FRYL: variants seen among roughly 807,000 people sequenced by gnomAD.
FRYL encodes FRY like transcription coactivator, also known as protein furry homolog-like.
Under a neutral mutation model 351.2 loss-of-function variants are expected in FRYL, and 150 were observed. The ratio of observed to expected loss-of-function variants is 0.43; its 90% CI spans 0.37 to 0.49. FRYL has a LOEUF of 0.49. Ranked by LOEUF, FRYL falls within the 20% of genes least tolerant of loss-of-function variation. FRYL has a pLI of 0.00. For synonymous variants in FRYL, 1,153 were observed against 1,257.1 expected (o/e 0.92, Z 1.75); for missense variants, 3,036 against 3,619.3 (o/e 0.84, Z 4.13).
chr4:48,681,945 A>G (rs1234880056), intron 3 of FRYL, among the ~76,000 whole-genome samples: 6 of 152,316 alleles, frequency 3.9e-5, no homozygotes, highest in South Asian at 4.1e-4. Context: ...CAGAAGTATA[A>G]CAAGAGAGTA....
chr4:48,505,794 T>C lies in FRYL; in HGVS notation c.8395-179A>G, dbSNP rs1284042350. The C allele has an allele frequency of 2.1e-5, 11 of 523,434 alleles. No individual in the cohort carries two copies. The East Asian group carries it at 3.3e-4, about 16-fold the overall frequency. The allele number at this position is 523,434 out of a possible 1,614,324, so 32.4% of individuals were successfully genotyped here. A position where few individuals can be genotyped will look rare whatever the true frequency, so the allele number is the denominator to read the frequency against. ...TATATGGAACTAACAAAAGCAGGGA[T>C]AGCATTAATGTAACAAGAGGCACAC... is the stretch of plus-strand genomic sequence containing the variant. On this transcript the variant is annotated intron_variant, in intron 59 of 63. Coordinates refer to ENST00000358350, the MANE Select transcript of FRYL (RefSeq NM_015030.2).
Position 48,580,966 on chromosome 4 carries a change from TC to T in FRYL, c.2173-16del. 2.6e-6 allele frequency: 4 copies of T among 1,532,500 alleles called. No individual in the cohort carries two copies. The highest frequency in any genetic ancestry group is 2.6e-6 in the Non-Finnish European group (3 of 1,134,664). 94.9% of individuals were successfully genotyped at this position (1,532,500 alleles called of 1,614,324 possible). On this transcript the variant is annotated splice_polypyrimidine_tract_variant and intron_variant, in intron 21 of 63. Coordinates refer to ENST00000358350, the MANE Select transcript of FRYL (RefSeq NM_015030.2). ...TCATCATCACCCTGTAAAAAAGACA[TC>T]ATATGTCTAAAAAAATTAGGAATGT...
chr4:48,743,909 T>C (rs1458879252), intron 1 of FRYL, among the ~76,000 whole-genome samples: 1 of 149,446 alleles, frequency 6.7e-6, no homozygotes, highest in African/African-American at 2.5e-5. Context: ...GGCCAATTTT[T>C]AAAAATTTAA....
At chr4:48,576,925 T>C (rs967459354) in intron 23 of FRYL, among the ~76,000 whole-genome samples, 1 of 152,204 alleles carries the variant, frequency 6.6e-6, no homozygotes, top group African/African-American at 2.4e-5. Flanking sequence ...TTTATACGAA[T>C]TAAATGTTTA....
intron 38 of FRYL, chr4:48,550,376 A>C (rs1732427504): frequency 2.0e-6 from 1 of 504,820 alleles, no homozygotes; most frequent in Non-Finnish European, 3.5e-6. Flanking sequence ...GTTCCTTGTG[A>C]TTTATCTATA....
chr4:48,733,902 A>G (rs1771002726), intron 1 of FRYL, among the ~76,000 whole-genome samples: 1 of 152,190 alleles, frequency 6.6e-6, no homozygotes, highest in African/African-American at 2.4e-5. Flanking sequence ...ACAAAGGAAT[A>G]TAATTCACAT....
chr4:48,528,118 A>C, intron 51 of FRYL, 57 bp downstream of exon 51: 1 of 1,570,108 alleles, frequency 6.4e-7, no homozygotes, highest in Non-Finnish European at 8.7e-7. Context: ...TTTCATACCT[A>C]TAACAAAACT....
At chr4:48,680,951 T>C (rs1424367003) in intron 3 of FRYL, 3 of 1,243,914 alleles carry the variant, frequency 2.4e-6, no homozygotes, top group Non-Finnish European at 3.1e-6. Flanking sequence ...TGTTCGTATT[T>C]GTCATAATTA....
At chr4:48,699,449 A>G (rs1265198009) in intron 2 of FRYL, among the ~76,000 whole-genome samples, 1 of 152,234 alleles carries the variant, frequency 6.6e-6, no homozygotes, top group African/African-American at 2.4e-5. Context: ...ACTAAATTCA[A>G]TCCTCATCTG....
intron 1 of FRYL, among the ~76,000 whole-genome samples, chr4:48,755,936 T>TAA (rs869261013): frequency 7.2e-6 from 1 of 139,520 alleles, no homozygotes. Flanking sequence ...AAAATTCAAT[T>TAA]AAAAAAAAAA....
chr4:48,649,242 C>T (rs1314655641), intron 3 of FRYL, among the ~76,000 whole-genome samples: 2 of 151,434 alleles, frequency 1.3e-5, no homozygotes, highest in Admixed American at 6.6e-5. Context: ...TTTTTACAAT[C>T]CAAAAAAAAA....
intron 3 of FRYL, among the ~76,000 whole-genome samples, chr4:48,646,553 C>T (rs1756507780): frequency 6.6e-6 from 1 of 152,162 alleles, no homozygotes; most frequent in South Asian, 2.1e-4. Context: ...CCATTCTCAT[C>T]CTGCAAAAGG....
chr4:48,757,659 T>C (rs1240079101), intron 1 of FRYL, among the ~76,000 whole-genome samples: 1 of 152,116 alleles, frequency 6.6e-6, no homozygotes, highest in South Asian at 2.1e-4. Context: ...AAAATGGCCA[T>C]ACTGCCCAAG....
chr4:48,501,813 T>C (rs1380137828), intron 61 of FRYL, 80 bp from the exon 62 acceptor site: 4 of 901,448 alleles, frequency 4.4e-6, no homozygotes, highest in Non-Finnish European at 7.2e-6. Flanking sequence ...ATAGTTAAAA[T>C]TGTCTTGTCG....
At position 48,710,547 on chromosome 4, in the gene FRYL, G is replaced by C; in HGVS notation, c.-232C>G. The C allele has an allele frequency of 2.5e-6, 1 of 398,610 alleles. No individual in the cohort carries two copies. Among genetic ancestry groups the C allele is most frequent in the Non-Finnish European group, 4.4e-6 (1 of 226,064 alleles). 24.7% of individuals were successfully genotyped at this position (398,610 alleles called of 1,614,324 possible). A position where few individuals can be genotyped will look rare whatever the true frequency, so the allele number is the denominator to read the frequency against. On this transcript the variant is annotated 5_prime_UTR_variant, in exon 2 of 64. Coordinates refer to ENST00000358350, the MANE Select transcript of FRYL (RefSeq NM_015030.2). ...TTAGAAATGGTTGTTGAGGCACAGA[G>C]TTTGTAGAAAAGACACCAAGTTTGG...
At chr4:48,749,135 A>T (rs186596074) in intron 1 of FRYL, among the ~76,000 whole-genome samples, 2 of 152,304 alleles carry the variant, frequency 1.3e-5, no homozygotes, top group Non-Finnish European at 2.9e-5. Flanking sequence ...AGACAACTGC[A>T]CTCCGAGGTA....
chr4:48,759,513 C>A (rs74595848), intron 1 of FRYL, among the ~76,000 whole-genome samples: 4,889 of 152,244 alleles, frequency 0.032, 257 homozygotes, highest in African/African-American at 0.11. Context: ...CAAAACAGGT[C>A]TCACAGCTAA....
At chr4:48,699,586 T>G (rs936151623) in intron 2 of FRYL, among the ~76,000 whole-genome samples, 5 of 152,212 alleles carry the variant, frequency 3.3e-5, no homozygotes, top group Non-Finnish European at 7.3e-5. Flanking sequence ...TGCTAACAAT[T>G]TAAACAAGGT....
intron 35 of FRYL, among the ~76,000 whole-genome samples, chr4:48,555,314 T>C (rs1337605764): frequency 2.6e-5 from 4 of 152,196 alleles, no homozygotes; most frequent in Admixed American, 2.6e-4. Flanking sequence ...GTGAATCAAA[T>C]AGACAAAAAC....
Sources: allele counts gnomAD v4.1 joint callset (sites outside exome capture counted in the v4.1 genomes callset), GRCh38; gene constraint gnomAD v4.1.1; transcripts MANE v1.5; gene names NCBI Gene and HGNC (gene_info 2026-07-23, HGNC 2026-07-21).